Variants in GPR39 observed in about 807,000 individuals in gnomAD.
GPR39 encodes zinc sensing receptor.
GPR39 carries 23 observed loss-of-function variants against 18.4 expected under a neutral mutation model. The observed-to-expected ratio is 1.25, with a 90% CI of 0.90 to 1.77. GPR39 has a LOEUF of 1.77. Among genes scored for constraint, GPR39 ranks in the 40% most tolerant of loss-of-function variants. GPR39 has a pLI of 0.00. For synonymous variants in GPR39, 280 were observed against 257.9 expected, an observed-to-expected ratio of 1.09 and a Z score of -0.82; for missense variants, 647 against 602.4, an observed-to-expected ratio of 1.07 and a Z score of -0.78.
At chr2:132,426,975 G>T (rs1202290819) in intron 1 of GPR39, among the ~76,000 whole-genome samples, 3 of 151,800 alleles carry the variant, frequency 2.0e-5, no homozygotes, top group Non-Finnish European at 2.9e-5. Flanking sequence ...TCTTTCTTTA[G>T]TGAAGAGGAA....
At chr2:132,438,112 G>A (rs1446884360) in intron 1 of GPR39, among the ~76,000 whole-genome samples, 1 of 152,232 alleles carries the variant, frequency 6.6e-6, no homozygotes, top group Non-Finnish European at 1.5e-5. Context: ...CCTGGAGGAG[G>A]CAGCATTTAA....
chr2:132,476,109 A>T (rs1681120370), intron 1 of GPR39, among the ~76,000 whole-genome samples: 1 of 152,128 alleles, frequency 6.6e-6, no homozygotes, highest in South Asian at 2.1e-4. Flanking sequence ...TCTAGTTTCA[A>T]GCCAACACCT....
intron 1 of GPR39, among the ~76,000 whole-genome samples, chr2:132,439,871 G>A (rs752183071): frequency 2.6e-5 from 4 of 152,250 alleles, no homozygotes; most frequent in African/African-American, 4.8e-5. Context: ...TTTGAACACC[G>A]CTGGACTGCT....
At chr2:132,512,408 C>T (rs2104759544) in intron 1 of GPR39, among the ~76,000 whole-genome samples, 1 of 152,246 alleles carries the variant, frequency 6.6e-6, no homozygotes, top group South Asian at 2.1e-4. Context: ...CCCCTTCTCC[C>T]TGGCACCCTA....
chr2:132,569,391 C>A (rs1173346127), intron 1 of GPR39, among the ~76,000 whole-genome samples: 1 of 152,108 alleles, frequency 6.6e-6, no homozygotes, highest in African/African-American at 2.4e-5. Context: ...GCTCTGCCAG[C>A]TGATGGGTTT....
intron 1 of GPR39, among the ~76,000 whole-genome samples, chr2:132,577,526 TGTAA>T (rs1360291264): frequency 2.0e-5 from 3 of 150,752 alleles, no homozygotes; most frequent in African/African-American, 7.5e-5. Context: ...TTTATGAACA[TGTAA>T]GTCTCTGTTT....
intron 1 of GPR39, among the ~76,000 whole-genome samples, chr2:132,492,590 A>G (rs190361690): frequency 1.5e-5 from 2 of 137,136 alleles, no homozygotes; most frequent in African/African-American, 3.0e-5. Flanking sequence ...TACACACCAT[A>G]TATATACCAT....
intron 1 of GPR39, among the ~76,000 whole-genome samples, chr2:132,589,130 C>A (rs991832262): frequency 1.3e-5 from 2 of 152,148 alleles, no homozygotes; most frequent in African/African-American, 4.8e-5. Context: ...TTCACTGTTC[C>A]AAGATTGTTA....
intron 1 of GPR39, among the ~76,000 whole-genome samples, chr2:132,632,445 G>C (rs1352812352): frequency 6.6e-6 from 1 of 152,154 alleles, no homozygotes; most frequent in Non-Finnish European, 1.5e-5. Flanking sequence ...TCCTGAACTT[G>C]TGGCCATTTC....
At chr2:132,535,946 G>C (rs976207060) in intron 1 of GPR39, among the ~76,000 whole-genome samples, 6 of 147,084 alleles carry the variant, frequency 4.1e-5, no homozygotes, top group Non-Finnish European at 9.0e-5. Context: ...TGGTCTATTT[G>C]ATTCTTCTTT....
intron 1 of GPR39, among the ~76,000 whole-genome samples, chr2:132,492,842 A>G (rs1681519344): frequency 7.1e-6 from 1 of 141,300 alleles, no homozygotes; most frequent in South Asian, 2.2e-4. Context: ...TACACACCAT[A>G]TATACACCAT....
At position 132,416,962 on chromosome 2, in the gene GPR39, A is replaced by ACGCT; in HGVS notation, c.-81_-80insCGCT. 3 of 1,526,300 alleles carry ACGCT rather than the reference A, an allele frequency of 2.0e-6. No individual in the cohort carries two copies. Among genetic ancestry groups the ACGCT allele is most frequent in the Non-Finnish European group, 2.7e-6 (3 of 1,130,516 alleles). The allele number at this position is 1,526,300 out of a possible 1,614,324, so 94.5% of individuals were successfully genotyped here. On this transcript the variant is annotated 5_prime_UTR_variant, in exon 1 of 2. Transcript: ENST00000329321. ...CGTGCGCCCACGCAGGTGAGTTTGC[A>ACGCT]GCCAAGAATTTTGGACGCTGCTGGG...
At chr2:132,604,762 G>C (rs902240700) in intron 1 of GPR39, 6 of 152,258 alleles carry the variant, frequency 3.9e-5, no homozygotes, top group African/African-American at 1.4e-4. Flanking sequence ...AGACAAATAG[G>C]AGTTTGCTAG....
chr2:132,565,554 CCCCA>C (rs1488075016), intron 1 of GPR39, among the ~76,000 whole-genome samples: 1 of 117,908 alleles, frequency 8.5e-6, no homozygotes, highest in East Asian at 3.1e-4. Flanking sequence ...TCCCCCCTCC[CCCCA>C]CCCCACCACA....
chr2:132,432,105 G>C (rs1680234307), intron 1 of GPR39, among the ~76,000 whole-genome samples: 2 of 152,254 alleles, frequency 1.3e-5, no homozygotes, highest in South Asian at 4.2e-4. Flanking sequence ...TGTTTGTCTT[G>C]CTCCATTTGG....
At chr2:132,601,653 A>G (rs1475826743) in intron 1 of GPR39, among the ~76,000 whole-genome samples, 1 of 152,140 alleles carries the variant, frequency 6.6e-6, no homozygotes, top group African/African-American at 2.4e-5. Context: ...TGCAGACAAC[A>G]TGGTCTTACA....
At chr2:132,573,313 T>C (rs1330824211) in intron 1 of GPR39, among the ~76,000 whole-genome samples, 1 of 152,166 alleles carries the variant, frequency 6.6e-6, no homozygotes, top group Non-Finnish European at 1.5e-5. Flanking sequence ...CAAGGAAGCT[T>C]TGGAGATCCC....
intron 1 of GPR39, among the ~76,000 whole-genome samples, chr2:132,572,386 C>T (rs1680455592): frequency 6.6e-6 from 1 of 152,136 alleles, no homozygotes; most frequent in African/African-American, 2.4e-5. Flanking sequence ...TGCATCTGAG[C>T]AGAGCATCCC....
chr2:132,417,422 T>TGAC lies in GPR39; in HGVS notation c.381_383dup (p.Thr128dup), dbSNP rs1185668563. ...AGCTACGCTACGCTGCTGCACGTGCTGACACTCAGCTTTGAGCGCTACATC... is the reference window on the plus strand; with the variant it reads ...AGCTACGCTACGCTGCTGCACGTGCTGACGACACTCAGCTTTGAGCGCTACATC... On this transcript the variant is annotated inframe_insertion, in exon 1 of 2. Coordinates refer to ENST00000329321, the MANE Select transcript of GPR39 (RefSeq NM_001508.3). 3 of 1,614,100 alleles carry TGAC rather than the reference T, an allele frequency of 1.9e-6. No individual in the cohort carries two copies. The East Asian group carries it at 6.7e-5, about 36-fold the overall frequency.
Sources: gnomAD v4.1 joint callset for allele counts (sites outside exome capture counted in the v4.1 genomes callset) on GRCh38, gnomAD v4.1.1 for gene constraint, MANE v1.5 for transcripts, NCBI Gene and HGNC (gene_info 2026-07-23, HGNC 2026-07-21) for gene names.